The following NFIB variants were observed in gnomAD, a reference collection of about 807,000 sequenced individuals.
NFIB encodes the protein nuclear factor 1 B-type.
NFIB carries 11 observed loss-of-function variants against 61.5 expected under a neutral mutation model. The ratio of observed to expected loss-of-function variants is 0.18; its 90% confidence interval spans 0.11 to 0.30. NFIB has a LOEUF of 0.30. NFIB is among the 10% of genes least tolerant of loss of function. NFIB has a pLI of 1.00. For synonymous variants in NFIB, 260 were observed against 216.5 expected (o/e 1.20, Z -1.76); for missense variants, 471 against 608.9 (o/e 0.77, Z 2.38).
chr9:14,331,820 A>G (rs1158474028), intron 1 of NFIB, among the ~76,000 whole-genome samples: 1 of 152,132 alleles, frequency 6.6e-6, no homozygotes, highest in Non-Finnish European at 1.5e-5. Flanking sequence ...AAAATTTTTC[A>G]TTTGTCAAAA....
At chr9:14,200,661 T>C (rs905455388) in intron 2 of NFIB, among the ~76,000 whole-genome samples, 2 of 152,200 alleles carry the variant, frequency 1.3e-5, no homozygotes, top group African/African-American at 2.4e-5. Context: ...CCTCTATTTC[T>C]GAGGGCTGCT....
chr9:14,279,428 ATTGAGACC>A (rs1238893567), intron 2 of NFIB, among the ~76,000 whole-genome samples: 1 of 152,178 alleles, frequency 6.6e-6, no homozygotes, highest in Admixed American at 6.5e-5. Flanking sequence ...ACCACCTGAG[ATTGAGACC>A]TTATTAAATC....
In NFIB at chr9:14,386,903, T is replaced by C. The variant is rs143649093; in HGVS notation, c.108+11621A>G. 7.7e-4 allele frequency among the ~76,000 whole-genome samples: 117 copies of C among 152,316 alleles called. 2 individuals are homozygous for C. The highest frequency in any genetic ancestry group is 2.8e-3 in the African/African-American group (115 of 41,574). On this transcript the variant is annotated intron_variant, in intron 1 of 8. Coordinates refer to the NFIB transcript ENST00000380934. ...ACAGACAAATATGTTTAGAAAATGCTCATTAAAGGAAAGTCGGTTGCATTT... is the reference window on the plus strand; with the variant it reads ...ACAGACAAATATGTTTAGAAAATGCCCATTAAAGGAAAGTCGGTTGCATTT...
At chr9:14,531,177 C>A in the NFIB span, among the ~76,000 whole-genome samples, 1 of 152,232 alleles carries the variant, frequency 6.6e-6, no homozygotes, top group Non-Finnish European at 1.5e-5. Context: ...TACAACTTCT[C>A]TCTTCCCAAT....
the NFIB span, among the ~76,000 whole-genome samples, chr9:14,420,061 A>G: frequency 6.6e-6 from 1 of 152,178 alleles, no homozygotes; most frequent in Non-Finnish European, 1.5e-5. Context: ...CTCTATAAAA[A>G]GGGTTAAGAT....
chr9:14,428,120 A>G, the NFIB span, among the ~76,000 whole-genome samples: 2 of 150,576 alleles, frequency 1.3e-5, no homozygotes, highest in African/African-American at 4.9e-5. Context: ...TAATTTTTAT[A>G]TTTTTTGTAG....
At chr9:14,490,582 AT>A in the NFIB span, among the ~76,000 whole-genome samples, 1 of 152,178 alleles carries the variant, frequency 6.6e-6, no homozygotes, top group Non-Finnish European at 1.5e-5. Flanking sequence ...TTCAGACTAC[AT>A]AAACAGTTCC....
chr9:14,274,744 A>C (rs1236192919), intron 2 of NFIB, among the ~76,000 whole-genome samples: 3 of 152,194 alleles, frequency 2.0e-5, no homozygotes, highest in Non-Finnish European at 4.4e-5. Context: ...GCTAAAATTG[A>C]CAAAATTAAA....
the NFIB span, among the ~76,000 whole-genome samples, chr9:14,522,890 G>T: frequency 3.0e-4 from 46 of 152,316 alleles, no homozygotes; most frequent in African/African-American, 1.0e-3. Context: ...CAGAGGCTCT[G>T]CTCTAGAAGG....
chr9:14,389,680 T>C (rs755386503), intron 1 of NFIB, among the ~76,000 whole-genome samples: 1 of 152,180 alleles, frequency 6.6e-6, no homozygotes, highest in Non-Finnish European at 1.5e-5. Flanking sequence ...ACTCTCATAA[T>C]GGGTCCTCCT....
In NFIB at chr9:14,084,134, G is replaced by A. The variant is rs1174942777; in HGVS notation, c.*4175C>T. On this transcript the variant is annotated 3_prime_UTR_variant, in exon 11 of 11. Coordinates refer to ENST00000380953, the MANE Select transcript of NFIB (RefSeq NM_001190737.2). ...GAATCTGTGAAATAACTCCTAACAT[G>A]GACAGATTTTCTTTTTAATACATAA... 9.9e-6 allele frequency: 2 copies of A among 202,832 alleles called. No individual in the cohort carries two copies. The highest frequency in any genetic ancestry group is 1.0e-5 in the Non-Finnish European group (1 of 98,798). 12.6% of individuals were successfully genotyped at this position (202,832 alleles called of 1,614,324 possible). A position where few individuals can be genotyped will look rare whatever the true frequency, so the allele number is the denominator to read the frequency against.
At chr9:14,149,432 G>A (rs894089794) in intron 5 of NFIB, among the ~76,000 whole-genome samples, 2 of 151,920 alleles carry the variant, frequency 1.3e-5, no homozygotes, top group African/African-American at 4.8e-5. Context: ...AATGAGATGG[G>A]TCTTGAAGAT....
chr9:14,344,417 G>T (rs927955188), intron 1 of NFIB, among the ~76,000 whole-genome samples: 1 of 151,704 alleles, frequency 6.6e-6, no homozygotes, highest in Non-Finnish European at 1.5e-5. Context: ...CAGAAGGGGG[G>T]GGTAGAGGGA....
At position 14,309,434 on chromosome 9, in the gene NFIB, T is replaced by C. The variant is rs116241429; in HGVS notation, c.31-1914A>G. On this transcript the variant is annotated intron_variant, in intron 1 of 10. Coordinates refer to ENST00000380953, the MANE Select transcript of NFIB (RefSeq NM_001190737.2). ...AGAATAAGTATGAATCAAAATTTTATAACAATACAGAATGCTGATGATTAC... is the reference window on the plus strand; with the variant it reads ...AGAATAAGTATGAATCAAAATTTTACAACAATACAGAATGCTGATGATTAC... Among the ~76,000 whole-genome samples the C allele has an allele frequency of 6.8e-3, 1,035 of 152,348 alleles. 14 individuals are homozygous for C. Among genetic ancestry groups the C allele is most frequent in the African/African-American group, 0.024 (996 of 41,580 alleles).
intron 6 of NFIB, among the ~76,000 whole-genome samples, chr9:14,127,469 C>A (rs1362110018): frequency 6.6e-6 from 1 of 152,200 alleles, no homozygotes; most frequent in African/African-American, 2.4e-5. Context: ...TCCCCATCTA[C>A]ACTTTCTCTC....
At chr9:14,354,903 G>A (rs2061157392) in intron 1 of NFIB, among the ~76,000 whole-genome samples, 1 of 151,878 alleles carries the variant, frequency 6.6e-6, no homozygotes, top group Non-Finnish European at 1.5e-5. Context: ...TTGTCCTGTT[G>A]TGAACACTGT....
At chr9:14,378,715 A>G (rs1420028307) in intron 1 of NFIB, among the ~76,000 whole-genome samples, 1 of 152,216 alleles carries the variant, frequency 6.6e-6, no homozygotes, top group Admixed American at 6.5e-5. Context: ...TTAGGTGAAC[A>G]GGCATCATCT....
chr9:14,447,662 A>G, the NFIB span, among the ~76,000 whole-genome samples: 5 of 152,298 alleles, frequency 3.3e-5, no homozygotes, highest in South Asian at 1.0e-3. Context: ...GGGAGTGAAG[A>G]GAAATAGCTG....
the NFIB span, among the ~76,000 whole-genome samples, chr9:14,472,809 G>C: frequency 6.6e-6 from 1 of 151,922 alleles, no homozygotes; most frequent in African/African-American, 2.4e-5. Flanking sequence ...CCAACGCACT[G>C]CAGCCTGGGC....
Sources: allele counts gnomAD v4.1 joint callset (sites outside exome capture counted in the v4.1 genomes callset), GRCh38; gene constraint gnomAD v4.1.1; transcripts MANE v1.5; gene names NCBI Gene and HGNC (gene_info 2026-07-23, HGNC 2026-07-21).